The following AGBL4 variants were observed in gnomAD, a reference collection of about 807,000 sequenced individuals.
The protein encoded by AGBL4 is cytosolic carboxypeptidase 6.
AGBL4 carries 58 observed loss-of-function variants against 66.4 expected under a neutral mutation model. The observed-to-expected ratio is 0.87, with a 90% CI of 0.71 to 1.09. The LOEUF (loss-of-function observed/expected upper bound fraction) is 1.09, where lower values mean the gene tolerates loss of function less well. Among genes scored for constraint, AGBL4 ranks in the 50% least tolerant of loss-of-function variants. The probability of loss-of-function intolerance (pLI) is 0.00; values close to 1 mark genes in which losing one functional copy is unlikely to be tolerated. For synonymous variants in AGBL4, 234 were observed against 222.9 expected, an observed-to-expected ratio of 1.05 and a Z score of -0.44; for missense variants, 579 against 631.0, an observed-to-expected ratio of 0.92 and a Z score of 0.88.
intron 3 of AGBL4, among the ~76,000 whole-genome samples, chr1:49,433,004 T>C (rs1002878255): frequency 1.3e-5 from 2 of 152,038 alleles, no homozygotes; most frequent in African/African-American, 2.4e-5. Context: ...TAATGAAGCC[T>C]CCAAAAAACC....
intron 4 of AGBL4, among the ~76,000 whole-genome samples, chr1:49,212,933 G>A (rs900438648): frequency 1.3e-5 from 2 of 152,058 alleles, no homozygotes; most frequent in Middle Eastern, 6.8e-3. Flanking sequence ...ACAAGTAATA[G>A]CAAAAGCATT....
At chr1:49,877,095 C>T (rs1414130485) in intron 1 of AGBL4, among the ~76,000 whole-genome samples, 1 of 151,504 alleles carries the variant, frequency 6.6e-6, no homozygotes, top group Non-Finnish European at 1.5e-5. Flanking sequence ...ACAATCATGT[C>T]GTCTGCAAAC....
At chr1:49,670,270 C>T (rs1345957399) in intron 3 of AGBL4, among the ~76,000 whole-genome samples, 1 of 152,086 alleles carries the variant, frequency 6.6e-6, no homozygotes. Flanking sequence ...AATAGCTTTG[C>T]CAATGTGGTG....
chr1:49,307,792 A>G (rs1412988735), intron 3 of AGBL4, among the ~76,000 whole-genome samples: 2 of 152,284 alleles, frequency 1.3e-5, no homozygotes, highest in South Asian at 2.1e-4. Flanking sequence ...GATCTCTCCA[A>G]TCTGATGAGA....
At chr1:49,513,378 G>T (rs1388121145) in intron 3 of AGBL4, among the ~76,000 whole-genome samples, 1 of 151,914 alleles carries the variant, frequency 6.6e-6, no homozygotes, top group African/African-American at 2.4e-5. Flanking sequence ...TGTCACCATG[G>T]TAGTATTGCC....
intron 4 of AGBL4, among the ~76,000 whole-genome samples, chr1:49,165,509 C>G (rs535053334): frequency 2.6e-5 from 4 of 151,918 alleles, no homozygotes; most frequent in Non-Finnish European, 4.4e-5. Context: ...CGGGGATATT[C>G]CTACCTCAAC....
chr1:49,280,657 A>G (rs972592217), intron 3 of AGBL4, among the ~76,000 whole-genome samples: 1 of 152,252 alleles, frequency 6.6e-6, no homozygotes, highest in African/African-American at 2.4e-5. Context: ...GTATAGACAA[A>G]GTAACACAGT....
chr1:48,896,984 T>C (rs751266280), intron 5 of AGBL4, among the ~76,000 whole-genome samples: 1 of 152,250 alleles, frequency 6.6e-6, no homozygotes. Context: ...GGCAGATTTA[T>C]CCCTAGTACA....
chr1:49,327,361 G>C (rs1039004254), intron 3 of AGBL4, among the ~76,000 whole-genome samples: 11 of 152,218 alleles, frequency 7.2e-5, no homozygotes, highest in Admixed American at 7.2e-4. Context: ...GCTGCTGAAA[G>C]TATTCATTTA....
intron 2 of AGBL4, among the ~76,000 whole-genome samples, chr1:49,851,035 T>C (rs2148062560): frequency 6.6e-6 from 1 of 152,270 alleles, no homozygotes; most frequent in East Asian, 1.9e-4. Context: ...AACTAAGTTC[T>C]ACTGTAAGCA....
At chr1:48,913,892 T>C (rs1046984550) in intron 5 of AGBL4, among the ~76,000 whole-genome samples, 13 of 152,166 alleles carry the variant, frequency 8.5e-5, no homozygotes, top group African/African-American at 2.2e-4. Context: ...TAGATTGTCA[T>C]GGGATTTTCA....
At chr1:48,704,554 A>C (rs1309261563) in intron 6 of AGBL4, among the ~76,000 whole-genome samples, 4 of 152,146 alleles carry the variant, frequency 2.6e-5, no homozygotes, top group African/African-American at 9.7e-5. Context: ...CCATGTTTAA[A>C]ATTGTTAAGT....
chr1:49,739,525 C>G (rs1650229553), intron 2 of AGBL4, among the ~76,000 whole-genome samples: 1 of 152,120 alleles, frequency 6.6e-6, no homozygotes. Flanking sequence ...GCAAGGCAGG[C>G]CAACATTCAG....
chr1:48,546,280 C>A (rs149542295), intron 11 of AGBL4, among the ~76,000 whole-genome samples: 2 of 152,208 alleles, frequency 1.3e-5, no homozygotes, highest in Non-Finnish European at 2.9e-5. Flanking sequence ...AGCATACGAA[C>A]TTCAGTGTCT....
chr1:48,731,072 G>GC (rs1648049893), intron 6 of AGBL4, among the ~76,000 whole-genome samples: 1 of 152,090 alleles, frequency 6.6e-6, no homozygotes, highest in Non-Finnish European at 1.5e-5. Context: ...TGAGCATAAA[G>GC]GCTTTTCTAT....
intron 3 of AGBL4, among the ~76,000 whole-genome samples, chr1:49,695,671 T>C (rs1175805769): frequency 2.0e-5 from 3 of 152,104 alleles, no homozygotes; most frequent in Admixed American, 2.0e-4. Context: ...AGAGGCTCTC[T>C]GTGTGTGGTG....
chr1:49,682,846 T>C (rs1306497324), intron 3 of AGBL4, among the ~76,000 whole-genome samples: 5 of 152,180 alleles, frequency 3.3e-5, no homozygotes, highest in Non-Finnish European at 7.3e-5. Context: ...AAAAGACAAA[T>C]TTTACCCTCA....
chr1:49,130,619 G>A (rs1030455031), intron 4 of AGBL4, among the ~76,000 whole-genome samples: 81 of 152,034 alleles, frequency 5.3e-4, no homozygotes, highest in Non-Finnish European at 9.9e-4. Context: ...AGATCAGATA[G>A]TTGTAGATAT....
intron 6 of AGBL4, among the ~76,000 whole-genome samples, chr1:48,691,115 G>A (rs1570265409): frequency 2.1e-5 from 3 of 140,462 alleles, no homozygotes; most frequent in South Asian, 2.2e-4. Context: ...CTGAGATGGC[G>A]TCCCTGCATT....
Sources: gnomAD v4.1 joint callset for allele counts (sites outside exome capture counted in the v4.1 genomes callset) on GRCh38, gnomAD v4.1.1 for gene constraint, MANE v1.5 for transcripts, NCBI Gene and HGNC (gene_info 2026-07-23, HGNC 2026-07-21) for gene names.